Variants in MRTFA observed in about 807,000 individuals in gnomAD.
MRTFA encodes myocardin-related transcription factor A.
Under a neutral mutation model 83.5 loss-of-function variants are expected in MRTFA, and 20 were observed. That is an observed-to-expected ratio of 0.24 (90% confidence interval 0.17 to 0.35). The LOEUF (loss-of-function observed/expected upper bound fraction) is 0.35. Ranked by LOEUF, MRTFA falls within the 10% of genes least tolerant of loss-of-function variation. The pLI is 1.00. For missense variants in MRTFA, 1,200 were observed against 1,224.7 expected (o/e 0.98, Z 0.30); for synonymous variants, 659 against 541.2 (o/e 1.22, Z -3.02).
At chr22:40,449,490 G>C (rs2053447698) in intron 4 of MRTFA, among the ~76,000 whole-genome samples, 2 of 152,154 alleles carry the variant, frequency 1.3e-5, no homozygotes, top group Admixed American at 1.3e-4. Flanking sequence ...AAATGTCTGT[G>C]GTGTGCAAGA....
chr22:40,537,011 G>A (rs1293584649), intron 3 of MRTFA, among the ~76,000 whole-genome samples: 14 of 56,938 alleles, frequency 2.5e-4, no homozygotes, highest in East Asian at 1.2e-3. Flanking sequence ...CGGGAGGGAG[G>A]TGGGGGGGGG....
chr22:40,612,340 GC>G (rs1269605343), intron 1 of MRTFA, among the ~76,000 whole-genome samples: 3 of 152,204 alleles, frequency 2.0e-5, no homozygotes, highest in Non-Finnish European at 4.4e-5. Flanking sequence ...CTGCAATGGG[GC>G]TGCAAGAAGG....
At chr22:40,551,345 T>C (rs923098396) in intron 3 of MRTFA, among the ~76,000 whole-genome samples, 1 of 151,938 alleles carries the variant, frequency 6.6e-6, no homozygotes, top group Admixed American at 6.6e-5. Flanking sequence ...TGCCAAGAAA[T>C]TTATTCACTT....
chr22:40,541,432 A>G (rs1206733336), intron 3 of MRTFA, among the ~76,000 whole-genome samples: 1 of 152,174 alleles, frequency 6.6e-6, no homozygotes, highest in Non-Finnish European at 1.5e-5. Context: ...ATGGGCTCCA[A>G]CCACTTAAGA....
At chr22:40,461,941 T>C (rs2053721862) in intron 4 of MRTFA, among the ~76,000 whole-genome samples, 1 of 152,236 alleles carries the variant, frequency 6.6e-6, no homozygotes, top group Admixed American at 6.5e-5. Context: ...GCTTACTTGA[T>C]GATCTCCAAA....
At chr22:40,508,397 A>C (rs1371633997) in intron 3 of MRTFA, among the ~76,000 whole-genome samples, 1 of 151,456 alleles carries the variant, frequency 6.6e-6, no homozygotes, top group Admixed American at 6.6e-5. Flanking sequence ...CTGTAATTTC[A>C]GCTACTCAGG....
intron 11 of MRTFA, among the ~76,000 whole-genome samples, chr22:40,419,963 GGAAAAT>G (rs1490475908): frequency 6.6e-6 from 1 of 152,190 alleles, no homozygotes; most frequent in East Asian, 1.9e-4. Context: ...CCGGCAAAGG[GGAAAAT>G]GCGGGCAGGG....
rs967816703 is a variant in MRTFA at position 40,417,497 on chromosome 22, G to C, written c.2365-4C>G. The C allele has an allele frequency of 7.4e-7, 1 of 1,353,904 alleles. No homozygotes were observed. Among genetic ancestry groups the C allele is most frequent in the African/African-American group, 1.5e-5 (1 of 66,800 alleles). The allele number at this position is 1,353,904 out of a possible 1,614,324, so 83.9% of individuals were successfully genotyped here. ...GAGAGCCAGGCTGGGACGAGGGCTG[G>C]ACAGGAGAGCAGGGAGAGGACCAGT... On this transcript the variant is annotated splice_region_variant and splice_polypyrimidine_tract_variant and intron_variant, in intron 12 of 14. Coordinates refer to ENST00000355630, the MANE Select transcript of MRTFA (RefSeq NM_020831.6).
chr22:40,533,493 G>A, intron 3 of MRTFA: 2 of 648,520 alleles, frequency 3.1e-6, no homozygotes, highest in Non-Finnish European at 4.4e-6. Context: ...TCCACTCCTA[G>A]TACAAATATG....
At chr22:40,624,425 CAAAA>C (rs35882157) in intron 1 of MRTFA, among the ~76,000 whole-genome samples, 1 of 62,746 alleles carries the variant, frequency 1.6e-5, no homozygotes. Flanking sequence ...GACTCCAACT[CAAAA>C]AAAAAAAAAA....
In MRTFA at chr22:40,451,696, A is replaced by G. The variant is rs1041800270; in HGVS notation, c.307+11525T>C. Among the ~76,000 whole-genome samples the G allele has an allele frequency of 5.3e-5, 8 of 152,278 alleles. No homozygotes were observed. The East Asian group carries it at 5.8e-4, about 11-fold the overall frequency. Reference sequence around the variant, plus strand: ...AAAAGGTTAACATACCAGTGGTCAAATATTTTGAATCTGACCTTCTAGGCT... The same window carrying G: ...AAAAGGTTAACATACCAGTGGTCAAGTATTTTGAATCTGACCTTCTAGGCT... On this transcript the variant is annotated intron_variant, in intron 4 of 14. Coordinates refer to ENST00000355630, the MANE Select transcript of MRTFA (RefSeq NM_020831.6).
chr22:40,502,203 A>T lies in MRTFA; in HGVS notation c.242-38917T>A, dbSNP rs1747379631. Among the ~76,000 whole-genome samples, 3 of 141,266 alleles carry T rather than the reference A, an allele frequency of 2.1e-5. No homozygotes were observed. In the South Asian group the frequency reaches 6.8e-4, roughly 32 times the overall value. 92.7% of individuals were successfully genotyped at this position (141,266 alleles called of 152,430 possible). On this transcript the variant is annotated intron_variant, in intron 3 of 14. Transcript: ENST00000355630. ...CCCGGACGGGGTGGCTGCCGGGCGG[A>T]GACGCTCCTCACTTCCCAGATGGGG...
intron 3 of MRTFA, among the ~76,000 whole-genome samples, chr22:40,500,856 T>C (rs1377113685): frequency 6.6e-6 from 1 of 151,554 alleles, no homozygotes; most frequent in Non-Finnish European, 1.5e-5. Flanking sequence ...CCAGCCTTTC[T>C]ATTCCACAAA....
At chr22:40,430,719 G>A (rs1038813320) in intron 6 of MRTFA, among the ~76,000 whole-genome samples, 11 of 151,984 alleles carry the variant, frequency 7.2e-5, no homozygotes, top group African/African-American at 2.7e-4. Flanking sequence ...TATTAGCTGG[G>A]TGTGGTGGCG....
intron 3 of MRTFA, among the ~76,000 whole-genome samples, chr22:40,546,183 T>G (rs2055363074): frequency 6.6e-6 from 1 of 152,240 alleles, no homozygotes; most frequent in Non-Finnish European, 1.5e-5. Context: ...CACTTTCCAA[T>G]TTCACAATCT....
intron 3 of MRTFA, 86 bp from the exon 4 acceptor site, chr22:40,463,372 C>G: frequency 1.7e-6 from 2 of 1,164,776 alleles, no homozygotes; most frequent in Non-Finnish European, 2.6e-6. Flanking sequence ...CAAAAAAAGT[C>G]TAAAAACAGA....
At chr22:40,624,016 A>C (rs956530826) in intron 1 of MRTFA, among the ~76,000 whole-genome samples, 2 of 152,226 alleles carry the variant, frequency 1.3e-5, no homozygotes, top group Non-Finnish European at 2.9e-5. Flanking sequence ...AAGCAGGAAG[A>C]TCACCTGAGC....
At chr22:40,507,185 C>A (rs2054593705) in intron 3 of MRTFA, among the ~76,000 whole-genome samples, 1 of 152,208 alleles carries the variant, frequency 6.6e-6, no homozygotes, top group African/African-American at 2.4e-5. Context: ...CAAGGCAAAA[C>A]CCCATCTCTA....
In MRTFA at chr22:40,410,748, T is replaced by C. The variant is rs56066924; in HGVS notation, c.*642A>G. ...TCCAGGCCCTTCTGTGAGAGTAGGA[T>C]GGGAGGGAGTTGCACCCATCTCCTG... On this transcript the variant is annotated 3_prime_UTR_variant, in exon 15 of 15. Transcript: ENST00000355630. The C allele has an allele frequency of 4.7e-5, 11 of 232,766 alleles. No individual in the cohort carries two copies. The highest frequency in any genetic ancestry group is 2.2e-4 in the African/African-American group (10 of 45,134). The allele number at this position is 232,766 out of a possible 1,614,324, so 14.4% of individuals were successfully genotyped here.
Sources: gnomAD v4.1 joint callset for allele counts (sites outside exome capture counted in the v4.1 genomes callset) on GRCh38, gnomAD v4.1.1 for gene constraint, MANE v1.5 for transcripts, NCBI Gene and HGNC (gene_info 2026-07-23, HGNC 2026-07-21) for gene names.